The following PDZD7 variants were observed in gnomAD, a reference collection of about 807,000 sequenced individuals.
PDZD7 encodes the protein PDZ domain-containing protein 7.
A neutral mutation model predicts 84.7 loss-of-function variants in PDZD7; 72 were observed. That is an observed-to-expected ratio of 0.85 (90% CI 0.70 to 1.03). The LOEUF (loss-of-function observed/expected upper bound fraction) is 1.03, where lower values mean the gene tolerates loss of function less well. Among genes scored for constraint, PDZD7 ranks in the 50% least tolerant of loss-of-function variants. The pLI, the probability that PDZD7 is intolerant of heterozygous loss-of-function variation, is 0.00. For synonymous variants in PDZD7, 594 were observed against 580.7 expected (o/e 1.02, Z -0.33); for missense variants, 1,490 against 1,412.9 (o/e 1.05, Z -0.87).
rs12784542 is a variant in PDZD7 at position 101,009,953 on chromosome 10, A to G, written c.2617+319T>C. 0.4 allele frequency among the ~76,000 whole-genome samples: 59,953 copies of G among 151,052 alleles called. 14,313 individuals carry two copies. The highest frequency in any genetic ancestry group is 0.53 in the Non-Finnish European group (36,193 of 67,836). ...ACCCAGGCTGGAGTGCAGTGGCGCA[A>G]CCTCAGTTGGGCTCACGGCAACCTC... On this transcript the variant is annotated intron_variant, in intron 15 of 16. Transcript: ENST00000619208.
chr10:101,018,707 GCA>G (rs1704345786), intron 8 of PDZD7, 113 bp downstream of exon 8: 1 of 1,364,320 alleles, frequency 7.3e-7, no homozygotes, highest in South Asian at 1.5e-5. Flanking sequence ...CTTGGGTTGG[GCA>G]AGGGCTTCGT....
chr10:101,024,838 T>C (rs1345495080), intron 2 of PDZD7, among the ~76,000 whole-genome samples: 8 of 24,778 alleles, frequency 3.2e-4, no homozygotes, highest in Non-Finnish European at 6.4e-4. Context: ...TCCTAATATG[T>C]GTGTGTGTGT....
rs762220598 is a variant in PDZD7 at position 101,018,307 on chromosome 10, GA to G, written c.1325-12del. On this transcript the variant is annotated splice_polypyrimidine_tract_variant and intron_variant, in intron 8 of 16. Transcript: ENST00000619208. ...GCTGCTGCTTCTCCTCTGCAGACAC[GA>G]GGGAGCAACGGGGGAGCTGGAGGGG... The G allele has an allele frequency of 6.2e-7, 1 of 1,613,278 alleles. No homozygotes were observed. The highest frequency in any genetic ancestry group is 1.1e-5 in the South Asian group (1 of 91,040).
At chr10:101,029,967 AGG>A in intron 2 of PDZD7, 25 bp downstream of exon 2, 64 of 787,604 alleles carry the variant, frequency 8.1e-5, no homozygotes, top group Non-Finnish European at 1.3e-4. Flanking sequence ...TCCCCAACCC[AGG>A]CCAGTGGCTG....
chr10:101,011,323 G>GGGATT, intron 14 of PDZD7: 2 of 418,392 alleles, frequency 4.8e-6, no homozygotes, highest in Non-Finnish European at 3.8e-6. Flanking sequence ...TTACAGGCGT[G>GGGATT]AGCCACCGCG....
At chr10:101,012,463 C>G (rs1852429746) in intron 11 of PDZD7, among the ~76,000 whole-genome samples, 1 of 152,222 alleles carries the variant, frequency 6.6e-6, no homozygotes, top group African/African-American at 2.4e-5. Context: ...AATAACAGAC[C>G]TGCAATAAAT....
intron 11 of PDZD7, among the ~76,000 whole-genome samples, chr10:101,015,199 G>A (rs576186270): frequency 7.9e-5 from 12 of 152,336 alleles, no homozygotes; most frequent in African/African-American, 2.9e-4. Context: ...GGAGCAGAGG[G>A]TGGCATGCAG....
rs147352555 is a variant in PDZD7, at chr10:101,018,258, G to A, written c.1363C>T (p.Pro455Ser). 3.7e-6 allele frequency: 6 copies of A among 1,613,946 alleles called. No homozygotes were observed. The highest frequency in any genetic ancestry group is 2.2e-5 in the East Asian group (1 of 44,892). Residue 455 changes from proline to serine, a missense_variant, in exon 9 of 17, where the codon CCT becomes TCT. By Grantham distance (74) the Pro-to-Ser change is moderately conservative. Coordinates refer to ENST00000619208, the MANE Select transcript of PDZD7 (RefSeq NM_001195263.2). ...QQRKKEKSGS[P>S]GEKGALQRSK... ...CGCTGCAGGGCACCCTTCTCCCCAG[G>A]GGACCCCGACTTCTCCTTCTTCCGC...
At chr10:101,025,551 T>TTTATTTA (rs1044626463) in intron 2 of PDZD7, among the ~76,000 whole-genome samples, 1 of 150,380 alleles carries the variant, frequency 6.6e-6, no homozygotes, top group African/African-American at 2.5e-5. Flanking sequence ...TATTTATTTA[T>TTTATTTA]TTATTTATTT....
At chr10:101,015,428 A>G (rs1314291824) in intron 11 of PDZD7, among the ~76,000 whole-genome samples, 1 of 151,770 alleles carries the variant, frequency 6.6e-6, no homozygotes, top group Non-Finnish European at 1.5e-5. Flanking sequence ...TTTAGGTTCT[A>G]GTGATTTTCT....
Position 101,021,779 on chromosome 10 carries a change from C to T in PDZD7, c.867+19G>A, listed in dbSNP as rs1189362913. ...CCTACTCTAGCCTCACCTCTCCCTA[C>T]CCCCACTGTTCTGCCCACCTTGATG... On this transcript the variant is annotated intron_variant, in intron 6 of 16. Transcript: ENST00000619208. 5.0e-6 allele frequency: 8 copies of T among 1,614,094 alleles called. No homozygotes were observed. The highest frequency in any genetic ancestry group is 1.6e-4 in the Middle Eastern group (1 of 6,062).
Position 101,021,899 on chromosome 10 carries a change from C to A in PDZD7, c.766G>T (p.Asp256Tyr). 1 of 1,614,156 alleles carries A rather than the reference C, an allele frequency of 6.2e-7. No homozygotes were observed. The highest frequency in any genetic ancestry group is 8.5e-7 in the Non-Finnish European group (1 of 1,180,016). ...LAEENGIKVG[D>Y]QVLAANGVRF... ...ACACCGTTGGCTGCCAGGACCTGGT[C>A]CCCCACCTTGATGCCATTCTCCTCG... The change falls in exon 6 of 17, where the codon GAC becomes TAC. Residue 256 changes from aspartate (D) to tyrosine (Y), a missense_variant. Physicochemically the swap from Asp to Tyr is radical, Grantham distance 160. Coordinates refer to ENST00000619208, the MANE Select transcript of PDZD7 (RefSeq NM_001195263.2).
chr10:101,017,864 AAAG>A (rs1166719531), intron 9 of PDZD7: 9 of 436,654 alleles, frequency 2.1e-5, no homozygotes, highest in Non-Finnish European at 3.1e-5. Flanking sequence ...AGAAAGAAAG[AAAG>A]AAAGAAAGAA....
Position 101,010,265 on chromosome 10 carries a change from G to T in PDZD7, c.2617+7C>A. 2.6e-6 allele frequency: 4 copies of T among 1,512,944 alleles called. No individual in the cohort carries two copies. The highest frequency in any genetic ancestry group is 3.5e-6 in the Non-Finnish European group (4 of 1,127,758). The allele number at this position is 1,512,944 out of a possible 1,614,324, so 93.7% of individuals were successfully genotyped here. Reference sequence around the variant, plus strand: ...CCTCTGCCGGGCCCAGTCCCACGTGGACTCACCTAAGGACTGCTTCATCTT... The same window carrying T: ...CCTCTGCCGGGCCCAGTCCCACGTGTACTCACCTAAGGACTGCTTCATCTT... On this transcript the variant is annotated splice_region_variant and intron_variant, in intron 15 of 16. Coordinates refer to ENST00000619208, the MANE Select transcript of PDZD7 (RefSeq NM_001195263.2).
At position 101,018,874 on chromosome 10, in the gene PDZD7, G is replaced by A. The variant is rs1231972142; in HGVS notation, c.1272C>T (p.Leu424=). Reference sequence around the variant, plus strand: ...GCGTGATGGGGGGCCGGGGTCGGCTGAGGGCCAGCAGCAAAGCCGTCTTGG... The same window carrying A: ...GCGTGATGGGGGGCCGGGGTCGGCTAAGGGCCAGCAGCAAAGCCGTCTTGG... ...ESPKTALLLA[L]SRPRPPITRS... Residue 424 remains leucine (L), a synonymous_variant, in exon 8 of 17, where the codon CTC becomes CTT. Coordinates refer to ENST00000619208, the MANE Select transcript of PDZD7 (RefSeq NM_001195263.2). The A allele has an allele frequency of 6.2e-7, 1 of 1,604,536 alleles. No homozygotes were observed. The highest frequency in any genetic ancestry group is 8.5e-7 in the Non-Finnish European group (1 of 1,175,892).
intron 5 of PDZD7, 31 bp from the exon 6 acceptor site, chr10:101,021,976 C>A: frequency 6.2e-7 from 1 of 1,613,192 alleles, no homozygotes; most frequent in African/African-American, 1.3e-5. Context: ...GTCTGATAGG[C>A]CCCTGGCCTG....
In PDZD7 at chr10:101,015,497, G is replaced by A. The variant is rs1208504826; in HGVS notation, c.1749+139C>T. 4.1e-5 allele frequency: 37 copies of A among 908,734 alleles called. No homozygotes were observed. The East Asian group carries it at 5.1e-4, about 13-fold the overall frequency. 56.3% of individuals were successfully genotyped at this position (908,734 alleles called of 1,614,324 possible). A position where few individuals can be genotyped will look rare whatever the true frequency, so the allele number is the denominator to read the frequency against. Reference sequence around the variant, plus strand: ...GTGTGTGTGTGTGTGTGTGTGACAGGAGTGACTTCTGATTTTACTGACCAC... The same window carrying A: ...GTGTGTGTGTGTGTGTGTGTGACAGAAGTGACTTCTGATTTTACTGACCAC... On this transcript the variant is annotated intron_variant, in intron 11 of 16. Transcript: ENST00000619208.
chr10:101,014,063 T>C (rs1318325910), intron 11 of PDZD7, among the ~76,000 whole-genome samples: 1 of 151,226 alleles, frequency 6.6e-6, no homozygotes, highest in African/African-American at 2.4e-5. Flanking sequence ...TTCACCATGT[T>C]GGACAGGCTG....
intron 8 of PDZD7, 129 bp from the exon 9 acceptor site, chr10:101,018,425 G>T: frequency 1.0e-6 from 1 of 987,534 alleles, no homozygotes; most frequent in Non-Finnish European, 1.5e-6. Context: ...CTACGCCGGG[G>T]TGAGAGTGCG....
Sources: allele counts gnomAD v4.1 joint callset (sites outside exome capture counted in the v4.1 genomes callset), GRCh38; gene constraint gnomAD v4.1.1; transcripts MANE v1.5; gene names NCBI Gene and HGNC (gene_info 2026-07-23, HGNC 2026-07-21).